MDGA2: variants seen among roughly 807,000 people sequenced by gnomAD.
MDGA2 encodes MAM domain-containing glycosylphosphatidylinositol anchor protein 2.
MDGA2 carries 40 observed loss-of-function variants against 117.8 expected under a neutral mutation model. The ratio of observed to expected loss-of-function variants is 0.34; its 90% CI spans 0.26 to 0.44. The LOEUF is 0.44. Ranked by LOEUF, MDGA2 falls within the 20% of genes least tolerant of loss-of-function variation. The pLI, the probability that MDGA2 is intolerant of heterozygous loss-of-function variation, is 1.00. For synonymous variants in MDGA2, 452 were observed against 439.0 expected (o/e 1.03, Z -0.37); for missense variants, 1,123 against 1,250.6 (o/e 0.90, Z 1.54).
At chr14:46,886,160 A>AATTT (rs1166038970) in intron 10 of MDGA2, among the ~76,000 whole-genome samples, 1 of 152,182 alleles carries the variant, frequency 6.6e-6, no homozygotes, top group Non-Finnish European at 1.5e-5. Flanking sequence ...TTTGGAGAGT[A>AATTT]ATTTGCATTA....
chr14:47,167,093 G>A (rs1002810586), intron 3 of MDGA2, among the ~76,000 whole-genome samples: 18 of 151,916 alleles, frequency 1.2e-4, no homozygotes, highest in Non-Finnish European at 2.2e-4. Flanking sequence ...TAACCTAGGA[G>A]AATCCACCAA....
At chr14:47,427,765 A>C (rs1192133952) in intron 1 of MDGA2, among the ~76,000 whole-genome samples, 1 of 152,158 alleles carries the variant, frequency 6.6e-6, no homozygotes, top group Non-Finnish European at 1.5e-5. Context: ...TCTCTCTTAG[A>C]AAGTGCCAAT....
chr14:47,278,087 A>T (rs1031587337), intron 2 of MDGA2, among the ~76,000 whole-genome samples: 16 of 152,152 alleles, frequency 1.1e-4, no homozygotes, highest in Admixed American at 7.9e-4. Flanking sequence ...TAAAATTTCC[A>T]TGGCTGCAAG....
At chr14:46,959,499 AT>A (rs1177417691) in intron 8 of MDGA2, among the ~76,000 whole-genome samples, 2 of 151,644 alleles carry the variant, frequency 1.3e-5, no homozygotes, top group Non-Finnish European at 2.9e-5. Context: ...CTTATGCTTT[AT>A]TTTTTAGGAT....
chr14:47,107,059 TC>T (rs1361266764), intron 5 of MDGA2, among the ~76,000 whole-genome samples: 3 of 128,642 alleles, frequency 2.3e-5, no homozygotes, highest in Admixed American at 1.6e-4. Flanking sequence ...ACCTCTTCTA[TC>T]CCCCCACCTT....
chr14:47,370,761 C>T (rs1289065131), intron 1 of MDGA2, among the ~76,000 whole-genome samples: 2 of 151,418 alleles, frequency 1.3e-5, no homozygotes, highest in African/African-American at 4.8e-5. Flanking sequence ...ATAAATAATA[C>T]AAATCATACA....
chr14:46,845,575 C>T (rs1434475459), intron 16 of MDGA2, among the ~76,000 whole-genome samples, 191 bp downstream of exon 16: 1 of 151,776 alleles, frequency 6.6e-6, no homozygotes, highest in East Asian at 1.9e-4. Context: ...TTATCTTAGG[C>T]CAAATATGTC....
intron 2 of MDGA2, among the ~76,000 whole-genome samples, chr14:47,242,555 T>C (rs537912784): frequency 6.6e-6 from 1 of 151,934 alleles, no homozygotes; most frequent in South Asian, 2.1e-4. Flanking sequence ...CCAGTCCTGC[T>C]GGCCCCGGGC....
chr14:47,026,057 C>G (rs1888463029), intron 8 of MDGA2, among the ~76,000 whole-genome samples: 1 of 152,058 alleles, frequency 6.6e-6, no homozygotes, highest in Non-Finnish European at 1.5e-5. Flanking sequence ...TTATTAGTGT[C>G]ACATAATATA....
intron 6 of MDGA2, among the ~76,000 whole-genome samples, chr14:47,086,179 G>A (rs181877082): frequency 1.9e-3 from 281 of 150,144 alleles, no homozygotes; most frequent in African/African-American, 6.5e-3. Context: ...TTTTGGCTAA[G>A]ATGGATTTGA....
At chr14:47,174,171 A>T (rs1272291192) in intron 3 of MDGA2, among the ~76,000 whole-genome samples, 1 of 152,142 alleles carries the variant, frequency 6.6e-6, no homozygotes, top group Non-Finnish European at 1.5e-5. Flanking sequence ...ACCTACAAAG[A>T]GACTTAGACT....
intron 10 of MDGA2, among the ~76,000 whole-genome samples, chr14:46,893,956 A>C (rs1348955154): frequency 6.6e-6 from 1 of 152,036 alleles, no homozygotes; most frequent in African/African-American, 2.4e-5. Flanking sequence ...GACATCAGAA[A>C]GGCTGAGCCT....
At chr14:47,247,304 A>ATT (rs1491219178) in intron 2 of MDGA2, among the ~76,000 whole-genome samples, 1 of 108,580 alleles carries the variant, frequency 9.2e-6, no homozygotes, top group African/African-American at 4.0e-5. Context: ...ATATAGTTTC[A>ATT]TATTTTTTTT....
chr14:47,513,802 A>T (rs920968102), intron 1 of MDGA2, among the ~76,000 whole-genome samples: 2 of 152,164 alleles, frequency 1.3e-5, no homozygotes, highest in African/African-American at 4.8e-5. Flanking sequence ...GTAAAAATTA[A>T]TATTAAATGG....
chr14:46,960,821 T>C, intron 8 of MDGA2, among the ~76,000 whole-genome samples: 2 of 148,806 alleles, frequency 1.3e-5, no homozygotes, highest in South Asian at 4.2e-4. Flanking sequence ...CACATATACA[T>C]ATGTGTACAT....
chr14:47,167,226 A>T (rs1029728783), intron 3 of MDGA2, among the ~76,000 whole-genome samples: 7 of 152,154 alleles, frequency 4.6e-5, no homozygotes, highest in African/African-American at 1.7e-4. Context: ...TTTTTAAAGT[A>T]ACTGGATAAA....
chr14:47,673,894 C>T (rs981804364), intron 1 of MDGA2, among the ~76,000 whole-genome samples: 13 of 151,964 alleles, frequency 8.6e-5, no homozygotes, highest in Non-Finnish European at 1.9e-4. Flanking sequence ...TTCATTCATG[C>T]ACTTGCTCAT....
chr14:46,935,291 G>A (rs759321379), intron 9 of MDGA2, among the ~76,000 whole-genome samples: 6 of 152,060 alleles, frequency 3.9e-5, no homozygotes, highest in Admixed American at 2.0e-4. Flanking sequence ...TATAGGCACC[G>A]TGAGCACACT....
At chr14:47,554,779 C>T (rs1895652896) in intron 1 of MDGA2, among the ~76,000 whole-genome samples, 1 of 152,106 alleles carries the variant, frequency 6.6e-6, no homozygotes, top group South Asian at 2.1e-4. Context: ...AATACAGAGT[C>T]TTTACACTTT....
Sources: gnomAD v4.1 joint callset for allele counts (sites outside exome capture counted in the v4.1 genomes callset) on GRCh38, gnomAD v4.1.1 for gene constraint, MANE v1.5 for transcripts, NCBI Gene and HGNC (gene_info 2026-07-23, HGNC 2026-07-21) for gene names.